The following PDE4B variants were observed in gnomAD, a reference collection of about 807,000 sequenced individuals.
PDE4B encodes the protein 3',5'-cyclic-AMP phosphodiesterase 4B.
In PDE4B, 20 loss-of-function variants were observed where a neutral mutation model predicts 82.2. The ratio of observed to expected loss-of-function variants is 0.24; its 90% CI spans 0.17 to 0.35. The LOEUF (loss-of-function observed/expected upper bound fraction) is 0.35. Among genes scored for constraint, PDE4B ranks in the 10% least tolerant of loss-of-function variants. PDE4B has a pLI of 1.00. For synonymous variants in PDE4B, 320 were observed against 318.9 expected (o/e 1.00, Z -0.04); for missense variants, 655 against 907.2 (o/e 0.72, Z 3.57).
chr1:65,797,282 C>T (rs1645642868), intron 1 of PDE4B, among the ~76,000 whole-genome samples: 1 of 152,150 alleles, frequency 6.6e-6, no homozygotes, highest in Non-Finnish European at 1.5e-5. Flanking sequence ...GCTTTGTAAT[C>T]TTTGTCAGAT....
intron 8 of PDE4B, among the ~76,000 whole-genome samples, chr1:66,337,178 T>C (rs2101935064): frequency 6.6e-6 from 1 of 152,340 alleles, no homozygotes; most frequent in Non-Finnish European, 1.5e-5. Context: ...TGTAATGATA[T>C]GATTACAGCA....
chr1:65,861,305 A>C (rs774877330), intron 1 of PDE4B, among the ~76,000 whole-genome samples: 9 of 152,134 alleles, frequency 5.9e-5, no homozygotes, highest in Non-Finnish European at 1.0e-4. Context: ...TAAATAGAGA[A>C]TCCTTTCTCC....
chr1:66,006,935 A>G (rs1202822386), intron 3 of PDE4B, among the ~76,000 whole-genome samples: 2 of 152,066 alleles, frequency 1.3e-5, no homozygotes, highest in African/African-American at 2.4e-5. Flanking sequence ...GTGAGAATAG[A>G]CTAATACAGT....
intron 3 of PDE4B, among the ~76,000 whole-genome samples, chr1:65,922,306 T>C (rs1052890690): frequency 6.6e-6 from 1 of 152,158 alleles, no homozygotes; most frequent in African/African-American, 2.4e-5. Flanking sequence ...TTCTTAATGG[T>C]TATTTTGATA....
At chr1:66,271,245 C>A (rs892659429) in intron 7 of PDE4B, among the ~76,000 whole-genome samples, 1 of 152,208 alleles carries the variant, frequency 6.6e-6, no homozygotes, top group South Asian at 2.1e-4. Context: ...AATTAATTTG[C>A]AAATTTAGCA....
intron 3 of PDE4B, among the ~76,000 whole-genome samples, chr1:66,126,787 T>C (rs1228124200): frequency 6.6e-6 from 1 of 152,214 alleles, no homozygotes; most frequent in Non-Finnish European, 1.5e-5. Context: ...TATTTTTAAT[T>C]ACAAAAGCAA....
chr1:65,875,964 G>T (rs1646636655), intron 1 of PDE4B, among the ~76,000 whole-genome samples: 1 of 151,226 alleles, frequency 6.6e-6, no homozygotes, highest in Non-Finnish European at 1.5e-5. Context: ...AAAAAAAAAT[G>T]GGGAAAAAAA....
chr1:66,303,451 A>T (rs1216690397), intron 7 of PDE4B, among the ~76,000 whole-genome samples: 1 of 151,862 alleles, frequency 6.6e-6, no homozygotes, highest in African/African-American at 2.4e-5. Flanking sequence ...TGGTAAGAAC[A>T]TTTAAGATCT....
intron 3 of PDE4B, among the ~76,000 whole-genome samples, chr1:66,176,477 G>A (rs1301488709): frequency 6.6e-6 from 1 of 152,182 alleles, no homozygotes; most frequent in Non-Finnish European, 1.5e-5. Flanking sequence ...TAATTTTCTT[G>A]TGATAATTAG....
Position 66,101,483 on chromosome 1 carries a change from T to A in PDE4B, c.282-145977T>A, listed in dbSNP as rs143104245. Among the ~76,000 whole-genome samples the A allele has an allele frequency of 3.0e-4, 45 of 152,330 alleles. No homozygotes were observed. The East Asian group carries it at 8.7e-3, about 29-fold the overall frequency. ...AGCATTCCTATCTCTCCACATCCTCTCCAGCACCTGTTGTTTCCTGACTTT... is the reference window on the plus strand; with the variant it reads ...AGCATTCCTATCTCTCCACATCCTCACCAGCACCTGTTGTTTCCTGACTTT... On this transcript the variant is annotated intron_variant, in intron 3 of 16. Coordinates refer to ENST00000341517, the MANE Select transcript of PDE4B (RefSeq NM_002600.4).
intron 3 of PDE4B, among the ~76,000 whole-genome samples, chr1:65,989,489 T>TA (rs1651129896): frequency 6.6e-6 from 1 of 152,042 alleles, no homozygotes; most frequent in Non-Finnish European, 1.5e-5. Context: ...AGACACTGTC[T>TA]AAAAAATAAA....
At position 65,962,541 on chromosome 1, in the gene PDE4B, C is replaced by T. The variant is rs900290008; in HGVS notation, c.281+43706C>T. Among the ~76,000 whole-genome samples the T allele has an allele frequency of 7.9e-5, 12 of 152,244 alleles. No individual in the cohort carries two copies. In the East Asian group the frequency reaches 2.3e-3, roughly 29 times the overall value. ...TGAAGCAAGGATGCAGAAACTGTTG[C>T]TAGTCCATGAAGGGCCCTGGGATAG... On this transcript the variant is annotated intron_variant, in intron 3 of 16. Transcript: ENST00000341517.
At chr1:66,032,400 A>G (rs1653828251) in intron 3 of PDE4B, among the ~76,000 whole-genome samples, 1 of 152,142 alleles carries the variant, frequency 6.6e-6, no homozygotes, top group South Asian at 2.1e-4. Flanking sequence ...CAACTCTAAG[A>G]TTTGTATAAA....
chr1:66,142,277 A>G (rs147467146), intron 3 of PDE4B, among the ~76,000 whole-genome samples: 5 of 152,256 alleles, frequency 3.3e-5, no homozygotes, highest in African/African-American at 1.2e-4. Flanking sequence ...TGTATCGTTC[A>G]TGGGTCAACT....
Position 65,948,326 on chromosome 1 carries a change from T to C in PDE4B, c.281+29491T>C, listed in dbSNP as rs12046598. Among the ~76,000 whole-genome samples the C allele has an allele frequency of 2.6e-3, 395 of 152,000 alleles. 14 individuals are homozygous for C. In the East Asian group the frequency reaches 0.056, roughly 22 times the overall value. The stretch of plus-strand genomic sequence containing the variant: ...TAGAATCATATATATATTATATATA[T>C]GAGAGCTTATTATGTATTAACTTAC... On this transcript the variant is annotated intron_variant, in intron 3 of 16. Transcript: ENST00000341517.
At chr1:66,308,812 T>C (rs1456017554) in intron 7 of PDE4B, among the ~76,000 whole-genome samples, 2 of 152,204 alleles carry the variant, frequency 1.3e-5, no homozygotes, top group African/African-American at 2.4e-5. Context: ...TTTTATTGGA[T>C]AGAAAGTGTG....
intron 6 of PDE4B, among the ~76,000 whole-genome samples, chr1:66,260,677 T>A (rs1654615172): frequency 6.6e-6 from 1 of 152,182 alleles, no homozygotes; most frequent in African/African-American, 2.4e-5. Context: ...CTGTTAGTAG[T>A]ATCAGAACAT....
At chr1:66,310,068 A>G (rs1272385522) in intron 7 of PDE4B, among the ~76,000 whole-genome samples, 3 of 152,168 alleles carry the variant, frequency 2.0e-5, no homozygotes, top group African/African-American at 7.2e-5. Flanking sequence ...TCAGGTGTCA[A>G]GGGAGCCTCA....
At chr1:66,308,510 C>A (rs552212956) in intron 7 of PDE4B, among the ~76,000 whole-genome samples, 1 of 152,264 alleles carries the variant, frequency 6.6e-6, no homozygotes, top group South Asian at 2.1e-4. Flanking sequence ...AGTCACTAAA[C>A]CCCAAAGGTA....
Sources: allele counts gnomAD v4.1 joint callset (sites outside exome capture counted in the v4.1 genomes callset), GRCh38; gene constraint gnomAD v4.1.1; transcripts MANE v1.5; gene names NCBI Gene and HGNC (gene_info 2026-07-23, HGNC 2026-07-21).